CA8: variants seen among roughly 807,000 people sequenced by gnomAD.
CA8 encodes the protein carbonic anhydrase 8 (inactive).
A neutral mutation model predicts 41.4 loss-of-function variants in CA8; 22 were observed. That is an observed-to-expected ratio of 0.53 (90% CI 0.38 to 0.76). The LOEUF is 0.76. CA8 is among the 30% of genes least tolerant of loss of function. The probability of loss-of-function intolerance (pLI) is 0.00; values close to 1 mark genes in which losing one functional copy is unlikely to be tolerated. For synonymous variants in CA8, 121 were observed against 130.6 expected (o/e 0.93, Z 0.50); for missense variants, 270 against 352.8 (o/e 0.77, Z 1.88).
At position 60,249,544 on chromosome 8, in the gene CA8, G is replaced by A. The variant is rs140635017; in HGVS notation, c.417+16381C>T. Among the ~76,000 whole-genome samples, 29 of 152,288 alleles carry A rather than the reference G, an allele frequency of 1.9e-4. 1 individual carries two copies. Among genetic ancestry groups the A allele is most frequent in the East Asian group, 9.6e-4 (5 of 5,196 alleles). ...TGTGTATTTTCACTACAATCCAAAT[G>A]TTGGCTTCTGACAGAAAAGTAATAT... is the stretch of plus-strand genomic sequence containing the variant. On this transcript the variant is annotated intron_variant, in intron 3 of 8. Coordinates refer to ENST00000317995, the MANE Select transcript of CA8 (RefSeq NM_004056.6).
chr8:60,232,515 C>A (rs1244301036), intron 3 of CA8, 136 bp from the exon 4 acceptor site: 1 of 740,738 alleles, frequency 1.3e-6, no homozygotes. Flanking sequence ...ACACAAACTA[C>A]TGGCTTAATA....
Position 60,254,863 on chromosome 8 carries a change from T to C in CA8, c.417+11062A>G, listed in dbSNP as rs563839237. Among the ~76,000 whole-genome samples the C allele has an allele frequency of 2.0e-5, 3 of 152,300 alleles. No individual in the cohort carries two copies. The East Asian group carries it at 5.8e-4, about 29-fold the overall frequency. On this transcript the variant is annotated intron_variant, in intron 3 of 8. Coordinates refer to ENST00000317995, the MANE Select transcript of CA8 (RefSeq NM_004056.6). ...CCTACTGCTAAATTATTTTAGAAAG[T>C]AGAAAACTATGTTACTCTTAGATAA...
intron 2 of CA8, among the ~76,000 whole-genome samples, chr8:60,268,690 TTAAG>T (rs1355673855): frequency 3.9e-5 from 6 of 152,342 alleles, no homozygotes; most frequent in Middle Eastern, 3.4e-3. Context: ...AGGTACTGTA[TTAAG>T]TATTTAGAAT....
At chr8:60,247,606 T>C (rs1808293813) in intron 3 of CA8, among the ~76,000 whole-genome samples, 2 of 152,354 alleles carry the variant, frequency 1.3e-5, no homozygotes, top group South Asian at 2.1e-4. Flanking sequence ...TATGATTGCA[T>C]AGTGTTCCAT....
At chr8:60,246,937 T>G (rs952890085) in intron 3 of CA8, among the ~76,000 whole-genome samples, 1 of 141,624 alleles carries the variant, frequency 7.1e-6, no homozygotes, top group East Asian at 2.1e-4. Context: ...AGGCTGGAGT[T>G]CAGTGGCGCG....
intron 3 of CA8, among the ~76,000 whole-genome samples, chr8:60,249,967 T>C (rs1356677280): frequency 6.6e-6 from 1 of 152,150 alleles, no homozygotes; most frequent in African/African-American, 2.4e-5. Context: ...ATACGCAAAG[T>C]GGGAGCATAT....
intron 3 of CA8, among the ~76,000 whole-genome samples, chr8:60,239,450 G>A (rs1807941666): frequency 1.3e-5 from 2 of 151,976 alleles, no homozygotes; most frequent in South Asian, 4.1e-4. Context: ...AACTGTCTTG[G>A]GCCACACAGA....
intron 3 of CA8, among the ~76,000 whole-genome samples, chr8:60,234,434 T>C (rs1807761371): frequency 1.3e-5 from 2 of 152,236 alleles, no homozygotes; most frequent in African/African-American, 2.4e-5. Context: ...GGTCCATTAA[T>C]TGTAACAAAT....
At chr8:60,278,568 C>T (rs1804312770) in intron 2 of CA8, among the ~76,000 whole-genome samples, 1 of 152,150 alleles carries the variant, frequency 6.6e-6, no homozygotes, top group Non-Finnish European at 1.5e-5. Context: ...GCTAAACCCA[C>T]ACCCCCAAAA....
chr8:60,257,287 T>G (rs1466954218), intron 3 of CA8, among the ~76,000 whole-genome samples: 1 of 152,186 alleles, frequency 6.6e-6, no homozygotes, highest in East Asian at 1.9e-4. Context: ...TCCAAAAAGC[T>G]TTTTGCATCC....
Position 60,281,021 on chromosome 8 carries a change from C to T in CA8, c.100+27G>A, listed in dbSNP as rs1451110541. 6 of 1,553,510 alleles carry T rather than the reference C, an allele frequency of 3.9e-6. No individual in the cohort carries two copies. In the African/African-American group the frequency reaches 5.4e-5, roughly 14 times the overall value. On this transcript the variant is annotated intron_variant, in intron 1 of 8. Coordinates refer to ENST00000317995, the MANE Select transcript of CA8 (RefSeq NM_004056.6). ...AGACACTGACGCCGCCGCGGGACCC[C>T]GGACACCCCGACTCGCGGCCACTTA...
intron 6 of CA8, 138 bp from the exon 7 acceptor site, chr8:60,222,899 C>T (rs1807301006): frequency 1.4e-6 from 1 of 695,204 alleles, no homozygotes; most frequent in African/African-American, 1.8e-5. Context: ...ACTAGAGCCC[C>T]ACAGTCTTAC....
At chr8:60,272,435 C>A (rs566996075) in intron 2 of CA8, among the ~76,000 whole-genome samples, 1 of 152,154 alleles carries the variant, frequency 6.6e-6, no homozygotes, top group African/African-American at 2.4e-5. Flanking sequence ...TGTGCAGAGT[C>A]CCTCATGAAT....
At chr8:60,281,001 C>T (rs1055915269) in intron 1 of CA8, 47 bp downstream of exon 1, 34 of 1,435,338 alleles carry the variant, frequency 2.4e-5, no homozygotes, top group Non-Finnish European at 3.1e-5. Context: ...CGGCGAGACA[C>T]TGACGCCGCC....
At chr8:60,220,319 A>G (rs1807201639) in intron 7 of CA8, among the ~76,000 whole-genome samples, 1 of 152,156 alleles carries the variant, frequency 6.6e-6, no homozygotes, top group African/African-American at 2.4e-5. Context: ...AAACTCAGCA[A>G]CAGAGGAGGA....
intron 8 of CA8, among the ~76,000 whole-genome samples, chr8:60,192,974 C>CACA (rs71252852): frequency 6.6e-6 from 1 of 151,032 alleles, no homozygotes; most frequent in African/African-American, 2.4e-5. Flanking sequence ...CACACACACA[C>CACA]ACCCCACCCC....
rs1804424258 is a variant in CA8, at chr8:60,281,362, T to A, written c.-215A>T. ...TCCAGAGACCCGCGTGGGAAGCGCG[T>A]CCGGAGGCCCCAGCAGAGCGAGGGA... On this transcript the variant is annotated 5_prime_UTR_variant, in exon 1 of 9. Transcript: ENST00000317995. 7 of 568,948 alleles carry A rather than the reference T, an allele frequency of 1.2e-5. No individual in the cohort carries two copies. In the South Asian group the frequency reaches 1.4e-4, roughly 11 times the overall value. The allele number at this position is 568,948 out of a possible 1,614,324, so 35.2% of individuals were successfully genotyped here.
At chr8:60,207,937 A>T (rs960557426) in intron 8 of CA8, 3 of 152,136 alleles carry the variant, frequency 2.0e-5, no homozygotes, top group Admixed American at 6.6e-5. Context: ...TAAATTGTTT[A>T]TAGAGATGAG....
At chr8:60,212,753 A>C (rs1806881069) in intron 7 of CA8, among the ~76,000 whole-genome samples, 1 of 152,242 alleles carries the variant, frequency 6.6e-6, no homozygotes, top group Non-Finnish European at 1.5e-5. Flanking sequence ...ACAATACTGC[A>C]TTGTACACTT....
Sources: allele counts gnomAD v4.1 joint callset (sites outside exome capture counted in the v4.1 genomes callset), GRCh38; gene constraint gnomAD v4.1.1; transcripts MANE v1.5; gene names NCBI Gene and HGNC (gene_info 2026-07-23, HGNC 2026-07-21).